SRGAP1: variants seen among roughly 807,000 people sequenced by gnomAD.
SRGAP1 encodes SLIT-ROBO Rho GTPase activating protein 1.
SRGAP1 carries 43 observed loss-of-function variants against 121.9 expected under a neutral mutation model. That is an observed-to-expected ratio of 0.35 (90% CI 0.28 to 0.46). The LOEUF (loss-of-function observed/expected upper bound fraction) is 0.46, where lower values mean the gene tolerates loss of function less well. SRGAP1 is among the 20% of genes least tolerant of loss of function. The pLI is 1.00. For synonymous variants in SRGAP1, 447 were observed against 485.4 expected, an observed-to-expected ratio of 0.92 and a Z score of 1.04; for missense variants, 1,102 against 1,350.9, an observed-to-expected ratio of 0.82 and a Z score of 2.89.
chr12:64,149,610 G>T lies in SRGAP1; in HGVS notation c.*6938G>T, dbSNP rs1295737204. The T allele has an allele frequency of 6.6e-6, 1 of 152,158 alleles. No individual in the cohort carries two copies. Among genetic ancestry groups the T allele is most frequent in the Admixed American group, 6.6e-5 (1 of 15,266 alleles). The allele number at this position is 152,158 out of a possible 1,614,324, so 9.4% of individuals were successfully genotyped here. The stretch of plus-strand genomic sequence containing the variant: ...CACTCCCGAACCAGAGTCCCAACGG[G>T]GTGTAACTGGTCGTCAGTTCCCACA... On this transcript the variant is annotated 3_prime_UTR_variant, in exon 22 of 22. Transcript: ENST00000355086.
chr12:63,884,178 G>A (rs1440360466), intron 1 of SRGAP1, among the ~76,000 whole-genome samples: 1 of 151,864 alleles, frequency 6.6e-6, no homozygotes, highest in African/African-American at 2.4e-5. Flanking sequence ...AGCTACTCGG[G>A]AGGCTGAGGC....
intron 21 of SRGAP1, among the ~76,000 whole-genome samples, chr12:64,139,918 A>G (rs1483876932): frequency 1.3e-5 from 2 of 151,536 alleles, no homozygotes; most frequent in Non-Finnish European, 3.0e-5. Context: ...TGATTTTTGT[A>G]TAAGGTGTAA....
intron 1 of SRGAP1, among the ~76,000 whole-genome samples, chr12:63,926,255 G>C (rs1041095985): frequency 6.6e-6 from 1 of 152,082 alleles, no homozygotes; most frequent in African/African-American, 2.4e-5. Flanking sequence ...TGGATTTTTT[G>C]TTATAAATAA....
chr12:63,980,872 G>A (rs560689490), intron 1 of SRGAP1, among the ~76,000 whole-genome samples: 1 of 152,118 alleles, frequency 6.6e-6, no homozygotes, highest in South Asian at 2.1e-4. Context: ...GGGATTACAG[G>A]CGTGAACCAC....
chr12:63,859,831 C>A (rs1219257579), intron 1 of SRGAP1, among the ~76,000 whole-genome samples: 2 of 152,040 alleles, frequency 1.3e-5, no homozygotes, highest in African/African-American at 4.8e-5. Context: ...AAGCGTTAAC[C>A]CTAAGAAAGG....
chr12:63,996,085 A>G (rs2033692870), intron 3 of SRGAP1, among the ~76,000 whole-genome samples: 1 of 151,954 alleles, frequency 6.6e-6, no homozygotes, highest in African/African-American at 2.4e-5. Context: ...TATATGTGAA[A>G]AAAGAACCTA....
At chr12:64,137,203 G>A (rs1476561726) in intron 21 of SRGAP1, among the ~76,000 whole-genome samples, 3 of 151,840 alleles carry the variant, frequency 2.0e-5, no homozygotes, top group East Asian at 3.9e-4. Flanking sequence ...GGCGGAGGTC[G>A]CAGTGAGCCG....
At chr12:63,938,380 G>T (rs1407392874) in intron 1 of SRGAP1, among the ~76,000 whole-genome samples, 1 of 152,188 alleles carries the variant, frequency 6.6e-6, no homozygotes, top group African/African-American at 2.4e-5. Context: ...TTCCAGGCTT[G>T]CCAGGGTGTC....
intron 15 of SRGAP1, among the ~76,000 whole-genome samples, chr12:64,101,947 A>T (rs1428782658): frequency 2.0e-5 from 3 of 152,214 alleles, no homozygotes; most frequent in Non-Finnish European, 2.9e-5. Context: ...ATTGTAGAGT[A>T]CCTGAAAAAT....
rs1165772246 is a variant in SRGAP1, at chr12:63,886,517, TGTC to T, written c.67+41638_67+41640del. ...TTATTTTTTTAAGACAGTCTCACCTTGTCGTCCAGGCTGGAGTCCAGGCACAAT... is the reference window on the plus strand; with the variant it reads ...TTATTTTTTTAAGACAGTCTCACCTTGTCCAGGCTGGAGTCCAGGCACAAT... On this transcript the variant is annotated intron_variant, in intron 1 of 21. Transcript: ENST00000355086. 3.4e-5 allele frequency among the ~76,000 whole-genome samples: 5 copies of T among 149,238 alleles called. No individual in the cohort carries two copies. In the East Asian group the frequency reaches 9.6e-4, roughly 29 times the overall value.
chr12:64,105,478 T>C (rs1472619239), intron 15 of SRGAP1, among the ~76,000 whole-genome samples: 1 of 152,208 alleles, frequency 6.6e-6, no homozygotes, highest in Non-Finnish European at 1.5e-5. Context: ...CAAGAAGATC[T>C]TGAATTAAGA....
intron 2 of SRGAP1, among the ~76,000 whole-genome samples, chr12:63,988,793 A>T (rs769069558): frequency 6.6e-6 from 1 of 152,206 alleles, no homozygotes; most frequent in Non-Finnish European, 1.5e-5. Context: ...CTTTTTAAAG[A>T]AAAAACAAAC....
At chr12:64,024,578 C>T (rs933916001) in intron 4 of SRGAP1, among the ~76,000 whole-genome samples, 3 of 152,174 alleles carry the variant, frequency 2.0e-5, no homozygotes, top group Non-Finnish European at 2.9e-5. Context: ...TCTAAGGATC[C>T]ATGTCTTGCT....
intron 1 of SRGAP1, among the ~76,000 whole-genome samples, chr12:63,913,816 G>C (rs1327762990): frequency 6.6e-6 from 1 of 151,514 alleles, no homozygotes. Flanking sequence ...TTATGACTCT[G>C]GAATCTAATA....
chr12:63,862,767 G>A (rs1899497849), intron 1 of SRGAP1, among the ~76,000 whole-genome samples: 2 of 152,226 alleles, frequency 1.3e-5, no homozygotes, highest in African/African-American at 4.8e-5. Flanking sequence ...TCTCAATGCC[G>A]TTCACAAAGT....
chr12:63,865,024 ACATTGGTGCAAAAGTG>A (rs1727942439), intron 1 of SRGAP1, among the ~76,000 whole-genome samples: 1 of 152,236 alleles, frequency 6.6e-6, no homozygotes, highest in Admixed American at 6.5e-5. Flanking sequence ...TCAGAGTATT[ACATTGGTGCAAAAGTG>A]CAATTACTTT....
intron 6 of SRGAP1, among the ~76,000 whole-genome samples, chr12:64,058,555 C>T (rs1246376279): frequency 6.6e-6 from 1 of 152,056 alleles, no homozygotes; most frequent in Admixed American, 6.6e-5. Flanking sequence ...TTTTCTTCTC[C>T]AATTTTAATC....
chr12:64,072,243 AG>A (rs1291978894), intron 8 of SRGAP1, among the ~76,000 whole-genome samples: 1 of 151,556 alleles, frequency 6.6e-6, no homozygotes, highest in Non-Finnish European at 1.5e-5. Flanking sequence ...AATGACAAGT[AG>A]GAAGTAGTTC....
intron 1 of SRGAP1, among the ~76,000 whole-genome samples, chr12:63,904,439 A>G (rs899604626): frequency 2.6e-5 from 4 of 152,158 alleles, no homozygotes; most frequent in African/African-American, 7.2e-5. Flanking sequence ...TGTCTTAGAG[A>G]CTATGAGATG....
Sources: allele counts gnomAD v4.1 joint callset (sites outside exome capture counted in the v4.1 genomes callset), GRCh38; gene constraint gnomAD v4.1.1; transcripts MANE v1.5; gene names NCBI Gene and HGNC (gene_info 2026-07-23, HGNC 2026-07-21).